KIF13A: variants seen among roughly 807,000 people sequenced by gnomAD.
The protein encoded by KIF13A is kinesin-like protein KIF13A.
Under a neutral mutation model 212.2 loss-of-function variants are expected in KIF13A, and 79 were observed. That is an observed-to-expected ratio of 0.37 (90% CI 0.31 to 0.45). KIF13A has a LOEUF of 0.45. Among genes scored for constraint, KIF13A ranks in the 20% least tolerant of loss-of-function variants. KIF13A has a pLI of 1.00. For synonymous variants in KIF13A, 789 were observed against 808.6 expected (o/e 0.98, Z 0.41); for missense variants, 1,901 against 2,209.0 (o/e 0.86, Z 2.79).
chr6:17,887,644 C>T (rs868817285), intron 3 of KIF13A, among the ~76,000 whole-genome samples: 43 of 152,118 alleles, frequency 2.8e-4, no homozygotes, highest in African/African-American at 9.7e-4. Context: ...GAGTGTGCAA[C>T]TTATTTCCTA....
chr6:17,831,374 C>G, intron 12 of KIF13A, 139 bp from the exon 13 acceptor site: 1 of 947,912 alleles, frequency 1.1e-6, no homozygotes, highest in Non-Finnish European at 1.6e-6. Flanking sequence ...ACCACATTAA[C>G]AGAGAGTCTA....
chr6:17,783,545 T>C lies in KIF13A; in HGVS notation c.3544+101A>G. ...AATGTCACCCAATTTGGCACATGAA[T>C]GATTAGAAGAGTGATTTAAGGATCA... is the stretch of plus-strand genomic sequence containing the variant. On this transcript the variant is annotated intron_variant, in intron 29 of 38. Transcript: ENST00000259711. The surrounding 1 kb of genome is among the most constrained non-coding windows in gnomAD (Gnocchi z 4.3). 2.4e-6 allele frequency: 2 copies of C among 820,230 alleles called. No individual in the cohort carries two copies. The highest frequency in any genetic ancestry group is 4.0e-6 in the Non-Finnish European group (2 of 496,268). The allele number at this position is 820,230 out of a possible 1,614,324, so 50.8% of individuals were successfully genotyped here. A position where few individuals can be genotyped will look rare whatever the true frequency, so the allele number is the denominator to read the frequency against.
chr6:17,810,053 C>A (rs1190522020), intron 17 of KIF13A, among the ~76,000 whole-genome samples: 1 of 152,006 alleles, frequency 6.6e-6, no homozygotes, highest in Non-Finnish European at 1.5e-5. Flanking sequence ...ATAGCAAGAC[C>A]TCATCTCTAT....
In KIF13A at chr6:17,777,225, C is replaced by CAG; in HGVS notation, c.4170+50_4170+51dup. On this transcript the variant is annotated intron_variant, in intron 34 of 38. Coordinates refer to ENST00000259711, the MANE Select transcript of KIF13A (RefSeq NM_022113.6). This position sits in a 1 kb window ranked among gnomAD's most constrained non-coding sequence, Gnocchi z 4.4. ...GTGTGAATCCCACCTTCCCCCACCC[C>CAG]AGAGGCTGCGACATGTCACATAGGA... The CAG allele has an allele frequency of 2.8e-6, 4 of 1,446,496 alleles. No individual in the cohort carries two copies. Among genetic ancestry groups the CAG allele is most frequent in the Non-Finnish European group, 2.9e-6 (3 of 1,041,214 alleles). The allele number at this position is 1,446,496 out of a possible 1,614,324, so 89.6% of individuals were successfully genotyped here. A position where few individuals can be genotyped will look rare whatever the true frequency, so the allele number is the denominator to read the frequency against.
At chr6:17,813,580 G>A (rs1399307284) in intron 17 of KIF13A, among the ~76,000 whole-genome samples, 5 of 152,112 alleles carry the variant, frequency 3.3e-5, no homozygotes, top group Admixed American at 3.3e-4. Context: ...AAATATAATT[G>A]ACTCTCTTCT....
At chr6:17,966,928 G>T (rs1249726330) in intron 2 of KIF13A, among the ~76,000 whole-genome samples, 1 of 152,228 alleles carries the variant, frequency 6.6e-6, no homozygotes, top group East Asian at 1.9e-4. Flanking sequence ...ACCCAGCTGG[G>T]AAGTGCAGGT....
intron 20 of KIF13A, among the ~76,000 whole-genome samples, chr6:17,801,928 G>A (rs77669893): frequency 0.042 from 6,399 of 152,220 alleles, 333 homozygotes; most frequent in African/African-American, 0.12. Context: ...CAGTTTAACC[G>A]TGTTTTTCTT....
intron 2 of KIF13A, among the ~76,000 whole-genome samples, chr6:17,983,363 A>G (rs1024676591): frequency 7.2e-5 from 11 of 152,068 alleles, no homozygotes; most frequent in African/African-American, 2.4e-4. Context: ...GCAGGGGTGA[A>G]GAGGAAGACA....
At chr6:17,976,331 C>T (rs936605197) in intron 2 of KIF13A, among the ~76,000 whole-genome samples, 7 of 152,250 alleles carry the variant, frequency 4.6e-5, no homozygotes, top group Non-Finnish European at 7.3e-5. Context: ...AGCCCTGCCC[C>T]GCTGTAAGGC....
intron 2 of KIF13A, among the ~76,000 whole-genome samples, chr6:17,966,364 C>T (rs1779306373): frequency 6.6e-6 from 1 of 151,834 alleles, no homozygotes; most frequent in Admixed American, 6.6e-5. Flanking sequence ...CCCTAGTATA[C>T]CCATTAGAAT....
downstream of KIF13A, chr6:17,760,540 G>A (rs916012944): frequency 2.5e-6 from 1 of 397,060 alleles, no homozygotes; most frequent in East Asian, 4.2e-5. Context: ...GTTGGAATCT[G>A]TAGAGGTTTC....
chr6:17,986,917 G>A lies in KIF13A; in HGVS notation c.146+137C>T, dbSNP rs530325112. 3.9e-5 allele frequency: 24 copies of A among 615,832 alleles called. No homozygotes were observed. In the South Asian group the frequency reaches 4.7e-4, roughly 12 times the overall value. The allele number at this position is 615,832 out of a possible 1,614,324, so 38.1% of individuals were successfully genotyped here. Reference sequence around the variant, plus strand: ...AGGAGAGGAACTTGGACTTGCAACAGCTTCAAACAGGAGCCGGCGACAAAC... The same window carrying A: ...AGGAGAGGAACTTGGACTTGCAACAACTTCAAACAGGAGCCGGCGACAAAC... On this transcript the variant is annotated intron_variant, in intron 2 of 38. Coordinates refer to ENST00000259711, the MANE Select transcript of KIF13A (RefSeq NM_022113.6).
chr6:17,961,669 T>G lies in KIF13A; in HGVS notation c.146+25385A>C, dbSNP rs981227035. The stretch of plus-strand genomic sequence containing the variant: ...AATAGCTATGTTCTTTTTGAGCAAC[T>G]AGCTTGTTTTCTTCTTATATACAAT... On this transcript the variant is annotated intron_variant, in intron 2 of 38. Coordinates refer to ENST00000259711, the MANE Select transcript of KIF13A (RefSeq NM_022113.6). The surrounding 1 kb of genome is among the most constrained non-coding windows in gnomAD (Gnocchi z 4.1). Among the ~76,000 whole-genome samples, 10 of 152,194 alleles carry G rather than the reference T, an allele frequency of 6.6e-5. No individual in the cohort carries two copies. The highest frequency in any genetic ancestry group is 1.2e-4 in the Non-Finnish European group (8 of 68,030).
Position 17,982,309 on chromosome 6 carries a change from G to T in KIF13A, c.146+4745C>A, listed in dbSNP as rs1030580372. On this transcript the variant is annotated intron_variant, in intron 2 of 38. Transcript: ENST00000259711. The surrounding 1 kb of genome is among the most constrained non-coding windows in gnomAD (Gnocchi z 5.1). Reference sequence around the variant, plus strand: ...GACAGGGTTTCACCATGTTGGCCAGGCTGGTCTCGAACTCCTGACCTCAGG... The same window carrying T: ...GACAGGGTTTCACCATGTTGGCCAGTCTGGTCTCGAACTCCTGACCTCAGG... 8 of 299,040 alleles carry T rather than the reference G, an allele frequency of 2.7e-5. No individual in the cohort carries two copies. The highest frequency in any genetic ancestry group is 3.9e-5 in the Non-Finnish European group (8 of 203,196). 18.5% of individuals were successfully genotyped at this position (299,040 alleles called of 1,614,324 possible).
intron 2 of KIF13A, among the ~76,000 whole-genome samples, chr6:17,946,132 A>G (rs942929313): frequency 6.6e-6 from 1 of 152,192 alleles, no homozygotes; most frequent in Non-Finnish European, 1.5e-5. Context: ...AACCCTTTAA[A>G]AAAAATAGGG....
intron 2 of KIF13A, among the ~76,000 whole-genome samples, chr6:17,977,928 C>CA (rs1365213411): frequency 6.6e-6 from 1 of 152,162 alleles, no homozygotes; most frequent in Non-Finnish European, 1.5e-5. Flanking sequence ...GTTACCTGTG[C>CA]AAAAACATTT....
Position 17,974,106 on chromosome 6 carries a change from G to A in KIF13A, c.146+12948C>T, listed in dbSNP as rs140100585. Among the ~76,000 whole-genome samples, 937 of 152,172 alleles carry A rather than the reference G, an allele frequency of 6.2e-3. 9 individuals carry two copies. The highest frequency in any genetic ancestry group is 0.024 in the Middle Eastern group (7 of 294). ...TTTTTATTTTTATTTTTTTGAGACGGAGTCTTGCTCTGTCACCCAAGCTGG... is the reference window on the plus strand; with the variant it reads ...TTTTTATTTTTATTTTTTTGAGACGAAGTCTTGCTCTGTCACCCAAGCTGG... On this transcript the variant is annotated intron_variant, in intron 2 of 38. Coordinates refer to ENST00000259711, the MANE Select transcript of KIF13A (RefSeq NM_022113.6).
chr6:17,851,217 T>G (rs947077898), intron 7 of KIF13A, among the ~76,000 whole-genome samples: 4 of 152,232 alleles, frequency 2.6e-5, no homozygotes, highest in African/African-American at 9.6e-5. Flanking sequence ...TGTGCTCTAT[T>G]TCCGATTAGA....
chr6:17,792,030 CT>C (rs1256008295), intron 25 of KIF13A, among the ~76,000 whole-genome samples: 1 of 151,626 alleles, frequency 6.6e-6, no homozygotes, highest in East Asian at 1.9e-4. Context: ...GATGAAACCC[CT>C]ATCTCTACTA....
Sources: allele counts gnomAD v4.1 joint callset (sites outside exome capture counted in the v4.1 genomes callset), GRCh38; gene constraint gnomAD v4.1.1; non-coding constraint Gnocchi (gnomAD v3.1); transcripts MANE v1.5; gene names NCBI Gene and HGNC (gene_info 2026-07-23, HGNC 2026-07-21).